Variants in FHOD1 observed in about 807,000 individuals in gnomAD.
The protein encoded by FHOD1 is FH1/FH2 domain-containing protein 1.
FHOD1 carries 89 observed loss-of-function variants against 111.6 expected under a neutral mutation model. The ratio of observed to expected loss-of-function variants is 0.80; its 90% CI spans 0.67 to 0.95. The LOEUF (loss-of-function observed/expected upper bound fraction) is 0.95, where lower values mean the gene tolerates loss of function less well. FHOD1 is among the 40% of genes least tolerant of loss of function. The probability of loss-of-function intolerance (pLI) is 0.00; values close to 1 mark genes in which losing one functional copy is unlikely to be tolerated. For synonymous variants in FHOD1, 618 were observed against 639.0 expected, an observed-to-expected ratio of 0.97 and a Z score of 0.50; for missense variants, 1,446 against 1,554.2, an observed-to-expected ratio of 0.93 and a Z score of 1.17.
intron 10 of FHOD1, 79 bp downstream of exon 10, chr16:67,236,887 G>C: frequency 6.7e-7 from 1 of 1,491,806 alleles, no homozygotes; most frequent in South Asian, 1.3e-5. Context: ...GCCTGAGGGG[G>C]TTGGGGTCAG....
intron 1 of FHOD1, among the ~76,000 whole-genome samples, chr16:67,245,545 G>A (rs1308767833): frequency 6.6e-6 from 1 of 152,174 alleles, no homozygotes; most frequent in East Asian, 1.9e-4. Flanking sequence ...AGGAGTTTGA[G>A]ACCAGGCTGG....
rs2034305837 is a variant in FHOD1, at chr16:67,232,208, G to A, written c.2047-14C>T. ...CTCTCCAGCTTTCTGCATGGTTGGGGGAAGGGCAGTGTAAGACTGAGGAAG... is the reference window on the plus strand; with the variant it reads ...CTCTCCAGCTTTCTGCATGGTTGGGAGAAGGGCAGTGTAAGACTGAGGAAG... On this transcript the variant is annotated splice_polypyrimidine_tract_variant and intron_variant, in intron 13 of 21. Transcript: ENST00000258201. The A allele has an allele frequency of 6.2e-7, 1 of 1,613,896 alleles. No homozygotes were observed. The highest frequency in any genetic ancestry group is 8.5e-7 in the Non-Finnish European group (1 of 1,179,956).
In FHOD1 at chr16:67,236,225, G is replaced by A. The variant is rs543169912; in HGVS notation, c.1319+332C>T. ...ACACGAGGAAACTGGAAGTGGAGGG[G>A]AGAGACTGACGTGGAGCAGGACAGG... On this transcript the variant is annotated intron_variant, in intron 11 of 21. Coordinates refer to ENST00000258201, the MANE Select transcript of FHOD1 (RefSeq NM_013241.3). Among the ~76,000 whole-genome samples the A allele has an allele frequency of 5.9e-5, 9 of 152,332 alleles. 1 individual carries two copies. The South Asian group carries it at 1.9e-3, about 32-fold the overall frequency.
Position 67,234,090 on chromosome 16 carries a change from C to G in FHOD1, c.1613G>C (p.Arg538Thr). ...PIWELPTRAP[R>T]LSIGDLDFSD... The stretch of plus-strand genomic sequence containing the variant: ...AAAGTCCAGGTCCCCAATAGAGAGC[C>G]TGGGTGCACGGGTAGGGAGCTCCCA... The change falls in exon 13 of 22, where the codon AGG becomes ACG. Residue 538 changes from arginine to threonine, a missense_variant. By Grantham distance (71) the Arg-to-Thr change is moderately conservative (BLOSUM62 -1). Around this residue, in one of 3 missense-constraint regions of FHOD1, gnomAD observed 1,085 missense variants for 1,108.8 expected, o/e 0.98. Coordinates refer to ENST00000258201, the MANE Select transcript of FHOD1 (RefSeq NM_013241.3). 1 of 1,604,638 alleles carries G rather than the reference C, an allele frequency of 6.2e-7. No homozygotes were observed. Among genetic ancestry groups the G allele is most frequent in the Non-Finnish European group, 8.5e-7 (1 of 1,173,324 alleles).
Position 67,234,381 on chromosome 16 carries a change from G to A in FHOD1, c.1411C>T (p.Pro471Ser), listed in dbSNP as rs1049360138. The A allele has an allele frequency of 1.6e-5, 26 of 1,610,606 alleles. No individual in the cohort carries two copies. Among genetic ancestry groups the A allele is most frequent in the Non-Finnish European group, 2.1e-5 (25 of 1,179,620 alleles). The change falls in exon 12 of 22, where the codon CCC (proline) becomes TCC (serine). Residue 471 changes from proline (P) to serine (S), a missense_variant. Coordinates refer to ENST00000258201, the MANE Select transcript of FHOD1 (RefSeq NM_013241.3). ...CCTGGGTGTCCACCCGCCTCATTGG[G>A]CATGGCCCCGGCAAGTGTCTCTGCC... ...GRAETLAGAM[P>S]NEAGGHPDAR...
chr16:67,231,930 C>T lies in FHOD1; in HGVS notation c.2202+109G>A, dbSNP rs763448301. 4.5e-5 allele frequency: 70 copies of T among 1,545,754 alleles called. No individual in the cohort carries two copies. The highest frequency in any genetic ancestry group is 9.2e-5 in the East Asian group (4 of 43,634). The stretch of plus-strand genomic sequence containing the variant: ...GGGAGGCCCCAGTGTCTGGGGACTG[C>T]CCTGCAGAAATGCCAAGCCCATGCC... On this transcript the variant is annotated intron_variant, in intron 14 of 21. Coordinates refer to ENST00000258201, the MANE Select transcript of FHOD1 (RefSeq NM_013241.3). The surrounding 1 kb of genome is among the most constrained non-coding windows in gnomAD (Gnocchi z 4.3).
In FHOD1 at chr16:67,238,373, G is replaced by C. The variant is rs1257005873; in HGVS notation, c.441+7C>G. On this transcript the variant is annotated splice_region_variant and intron_variant, in intron 4 of 21. Coordinates refer to ENST00000258201, the MANE Select transcript of FHOD1 (RefSeq NM_013241.3). The surrounding 1 kb of genome is among the most constrained non-coding windows in gnomAD (Gnocchi z 4.2). Reference sequence around the variant, plus strand: ...ACACTTACCCCCAGCCCACTGCGGGGCCTCACCTGGAAGATCTGCTTCAGT... The same window carrying C: ...ACACTTACCCCCAGCCCACTGCGGGCCCTCACCTGGAAGATCTGCTTCAGT... 1 of 1,613,994 alleles carries C rather than the reference G, an allele frequency of 6.2e-7. No individual in the cohort carries two copies. Among genetic ancestry groups the C allele is most frequent in the African/African-American group, 1.3e-5 (1 of 74,916 alleles).
chr16:67,239,800 C>T (rs758391893), intron 1 of FHOD1, among the ~76,000 whole-genome samples: 2 of 152,232 alleles, frequency 1.3e-5, no homozygotes, highest in African/African-American at 4.8e-5. Flanking sequence ...CCTCTAGCTG[C>T]GTTCTCTGCG....
intron 1 of FHOD1, among the ~76,000 whole-genome samples, chr16:67,239,993 C>G (rs1394225973): frequency 1.3e-5 from 2 of 152,150 alleles, no homozygotes; most frequent in African/African-American, 4.8e-5. Flanking sequence ...GGGTGATAAG[C>G]TATAGTCACA....
At position 67,231,073 on chromosome 16, in the gene FHOD1, G is replaced by T; in HGVS notation, c.2667+115C>A. 7.4e-7 allele frequency: 1 copy of T among 1,350,584 alleles called. No individual in the cohort carries two copies. Among genetic ancestry groups the T allele is most frequent in the Non-Finnish European group, 1.0e-6 (1 of 981,706 alleles). The allele number at this position is 1,350,584 out of a possible 1,614,324, so 83.7% of individuals were successfully genotyped here. A position where few individuals can be genotyped will look rare whatever the true frequency, so the allele number is the denominator to read the frequency against. On this transcript the variant is annotated intron_variant, in intron 17 of 21. Transcript: ENST00000258201. This position sits in a 1 kb window ranked among gnomAD's most constrained non-coding sequence, Gnocchi z 4.3. The stretch of plus-strand genomic sequence containing the variant: ...AGAGGGCATAGCTCACACCCAGGTG[G>T]CTGGAGCAAGCCCTGGCACAGCAGC...
chr16:67,247,203 C>T lies in FHOD1; in HGVS notation c.201+7G>A. 6 of 1,554,546 alleles carry T rather than the reference C, an allele frequency of 3.9e-6. No individual in the cohort carries two copies. The highest frequency in any genetic ancestry group is 5.2e-6 in the Non-Finnish European group (6 of 1,154,054). On this transcript the variant is annotated splice_region_variant and intron_variant, in intron 1 of 21. Transcript: ENST00000258201. ...GATCGCCCCAACCTTTCTCCGGCCT[C>T]CCTCACCTTGAGCGGCGCTCCCAGC...
In FHOD1 at chr16:67,233,883, G is replaced by A. The variant is rs775126250; in HGVS notation, c.1820C>T (p.Ala607Val). Residue 607 changes from alanine to valine, a missense_variant, in exon 13 of 22, where the codon GCT (alanine) becomes GTT (valine). By Grantham distance (64) the Ala-to-Val change is moderately conservative (BLOSUM62 0). Coordinates refer to ENST00000258201, the MANE Select transcript of FHOD1 (RefSeq NM_013241.3). ...PFPPPPPLPL[A>V]APLPHSVPDS... ...AGGCACTGAATGGGGAAGAGGGGCA[G>A]CCAGAGGTAGAGGTGGAGGTGGTGG... The A allele has an allele frequency of 6.7e-6, 10 of 1,488,066 alleles. No homozygotes were observed. In the South Asian group the frequency reaches 1.1e-4, roughly 17 times the overall value. 92.2% of individuals were successfully genotyped at this position (1,488,066 alleles called of 1,614,324 possible). A position where few individuals can be genotyped will look rare whatever the true frequency, so the allele number is the denominator to read the frequency against.
Position 67,229,797 on chromosome 16 carries a change from C to T in FHOD1, c.3408G>A (p.Lys1136=), listed in dbSNP as rs2142256904. 6.2e-7 allele frequency: 1 copy of T among 1,614,222 alleles called. No homozygotes were observed. The highest frequency in any genetic ancestry group is 1.7e-5 in the Admixed American group (1 of 60,030). The change falls in exon 21 of 22, where the codon AAG becomes AAA. Residue 1136 remains lysine (K), a synonymous_variant. Transcript: ENST00000258201. Reference sequence around the variant, plus strand: ...GGATTGTGGGGGGTTACTTACAAGACTTGCGGTTGCCGCGGGAACGCTTGC... The same window carrying T: ...GGATTGTGGGGGGTTACTTACAAGATTTGCGGTTGCCGCGGGAACGCTTGC... ...RERKRSRGNR[K]SLRRTLKSGL... is the part of the protein sequence containing the mutation.
Position 67,230,099 on chromosome 16 carries a change from G to T in FHOD1, c.3181C>A (p.Pro1061Thr), listed in dbSNP as rs753800789. Reference protein sequence around the residue: ...ASMKSLLTSRPEDTTHNRRSR... With the variant: ...ASMKSLLTSRTEDTTHNRRSR... The stretch of plus-strand genomic sequence containing the variant: ...CGGCGATTGTGTGTGGTGTCCTCAG[G>T]CCTGCTGGTCAGCAGACTCTTCATA... Residue 1061 changes from proline (P) to threonine (T), a missense_variant, in exon 20 of 22, where the codon CCT (proline) becomes ACT (threonine). Pro to Thr is a conservative substitution (Grantham distance 38). Transcript: ENST00000258201. 1 of 1,614,080 alleles carries T rather than the reference G, an allele frequency of 6.2e-7. No individual in the cohort carries two copies. Among genetic ancestry groups the T allele is most frequent in the Non-Finnish European group, 8.5e-7 (1 of 1,180,050 alleles).
At position 67,237,127 on chromosome 16, in the gene FHOD1, G is replaced by A; in HGVS notation, c.994-13C>T. The A allele has an allele frequency of 2.5e-6, 4 of 1,606,260 alleles. No homozygotes were observed. Among genetic ancestry groups the A allele is most frequent in the Non-Finnish European group, 3.4e-6 (4 of 1,175,744 alleles). ...ATTTCAGGGCGTTCTAGCAGAGGCG[G>A]ACCAGGATGTAAGAAAGTGGTTAAC... On this transcript the variant is annotated splice_polypyrimidine_tract_variant and intron_variant, in intron 9 of 21. Transcript: ENST00000258201. The surrounding 1 kb of genome is among the most constrained non-coding windows in gnomAD (Gnocchi z 5.6).
Position 67,232,140 on chromosome 16 carries a change from T to C in FHOD1, c.2101A>G (p.Asn701Asp), listed in dbSNP as rs1381198049. 1 of 1,614,202 alleles carries C rather than the reference T, an allele frequency of 6.2e-7. No homozygotes were observed. Among genetic ancestry groups the C allele is most frequent in the East Asian group, 2.2e-5 (1 of 44,892 alleles). Residue 701 changes from asparagine to aspartate, a missense_variant, in exon 14 of 22, where the codon AAC (asparagine) becomes GAC (aspartate). Physicochemically the swap from Asn to Asp is conservative, Grantham distance 23. Coordinates refer to ENST00000258201, the MANE Select transcript of FHOD1 (RefSeq NM_013241.3). ...GTGGTTAGGCCGATGTTGATGGCGTTGCTGCGCTTGGGGTCCAGCACTGTG... is the reference window on the plus strand; with the variant it reads ...GTGGTTAGGCCGATGTTGATGGCGTCGCTGCGCTTGGGGTCCAGCACTGTG... The part of the protein sequence containing the change: ...MTTVLDPKRS[N>D]AINIGLTTLP...
rs1179448399 is a variant in FHOD1, at chr16:67,230,050, C to T, written c.3214+16G>A. On this transcript the variant is annotated intron_variant, in intron 20 of 21. Transcript: ENST00000258201. Reference sequence around the variant, plus strand: ...TGGCACTGGAGCCCATTCCCCACAGCTGCTATGGGCCTCACCTCTGCTGCG... The same window carrying T: ...TGGCACTGGAGCCCATTCCCCACAGTTGCTATGGGCCTCACCTCTGCTGCG... The T allele has an allele frequency of 1.9e-6, 3 of 1,613,034 alleles. No homozygotes were observed. In the African/African-American group the frequency reaches 4.0e-5, roughly 22 times the overall value.
At chr16:67,239,070 C>T (rs1159086765) in intron 2 of FHOD1, 103 bp from the exon 3 acceptor site, 3 of 1,142,282 alleles carry the variant, frequency 2.6e-6, no homozygotes, top group Non-Finnish European at 3.9e-6. Flanking sequence ...CCCAGCCCAG[C>T]TTGTTCCTCC....
Position 67,229,547 on chromosome 16 carries a change from G to A in FHOD1, c.*89C>T, listed in dbSNP as rs1023077764. On this transcript the variant is annotated 3_prime_UTR_variant, in exon 22 of 22. Transcript: ENST00000258201. ...CATGGCTCCTGGGCACAGAGTTCTGGGGCCAGAATTCTGCTCTGGGCCCTC... is the reference window on the plus strand; with the variant it reads ...CATGGCTCCTGGGCACAGAGTTCTGAGGCCAGAATTCTGCTCTGGGCCCTC... 11 of 1,190,396 alleles carry A rather than the reference G, an allele frequency of 9.2e-6. No individual in the cohort carries two copies. The highest frequency in any genetic ancestry group is 1.5e-5 in the African/African-American group (1 of 66,826). The allele number at this position is 1,190,396 out of a possible 1,614,324, so 73.7% of individuals were successfully genotyped here. A position where few individuals can be genotyped will look rare whatever the true frequency, so the allele number is the denominator to read the frequency against.
Sources: allele counts gnomAD v4.1 joint callset (sites outside exome capture counted in the v4.1 genomes callset), GRCh38; gene constraint gnomAD v4.1.1; regional missense constraint gnomAD v4.1.1; non-coding constraint Gnocchi (gnomAD v3.1); transcripts MANE v1.5; gene names NCBI Gene and HGNC (gene_info 2026-07-23, HGNC 2026-07-21).